Variants in TCF12 observed in about 807,000 individuals in gnomAD.
TCF12 encodes the protein DNA-binding protein HTF4.
A neutral mutation model predicts 86.0 loss-of-function variants in TCF12; 45 were observed. The observed-to-expected ratio is 0.52, with a 90% confidence interval of 0.41 to 0.67. The LOEUF (loss-of-function observed/expected upper bound fraction) is 0.67. Ranked by LOEUF, TCF12 falls within the 30% of genes least tolerant of loss-of-function variation. TCF12 has a pLI of 0.00. For synonymous variants in TCF12, 330 were observed against 299.6 expected, an observed-to-expected ratio of 1.10 and a Z score of -1.05; for missense variants, 881 against 859.9, an observed-to-expected ratio of 1.02 and a Z score of -0.31.
chr15:57,126,870 A>G (rs541489287), intron 5 of TCF12, among the ~76,000 whole-genome samples: 35 of 152,332 alleles, frequency 2.3e-4, no homozygotes, highest in African/African-American at 7.5e-4. Flanking sequence ...TATCTGTCCA[A>G]TGTGGCTATT....
At chr15:56,955,737 G>A (rs1309587081) in intron 3 of TCF12, among the ~76,000 whole-genome samples, 1 of 152,130 alleles carries the variant, frequency 6.6e-6, no homozygotes, top group Admixed American at 6.6e-5. Context: ...TGTTTTCTAA[G>A]TATCAAGTGA....
intron 5 of TCF12, among the ~76,000 whole-genome samples, chr15:57,147,942 G>A (rs1231951782): frequency 6.7e-6 from 1 of 149,318 alleles, no homozygotes; most frequent in Non-Finnish European, 1.5e-5. Flanking sequence ...GTGCAGTGGT[G>A]TGGTCATAGC....
At chr15:57,046,045 A>G (rs1313157723) in intron 3 of TCF12, among the ~76,000 whole-genome samples, 1 of 152,236 alleles carries the variant, frequency 6.6e-6, no homozygotes, top group Non-Finnish European at 1.5e-5. Context: ...AACAATAGGA[A>G]TGAAAAACCT....
At chr15:57,201,329 A>C (rs1052858627) in intron 8 of TCF12, among the ~76,000 whole-genome samples, 29 of 152,322 alleles carry the variant, frequency 1.9e-4, no homozygotes, top group Non-Finnish European at 3.1e-4. Flanking sequence ...CTCTGGTGAC[A>C]TAGGGTAGGT....
In TCF12 at chr15:57,260,159, T is replaced by C. The variant is rs375110393; in HGVS notation, c.1468-1935T>C. Among the ~76,000 whole-genome samples the C allele has an allele frequency of 5.9e-5, 9 of 152,220 alleles. No homozygotes were observed. In the East Asian group the frequency reaches 1.7e-3, roughly 29 times the overall value. On this transcript the variant is annotated intron_variant, in intron 16 of 20. Coordinates refer to ENST00000333725, the MANE Select transcript of TCF12 (RefSeq NM_207037.2). ...ATACTTAGTTTGTATTGTTCTATAG[T>C]GTAAAAATATTTCCTGGTGTTTCTG...
In TCF12 at chr15:57,075,794, CTTTCTTTCTT is replaced by C. The variant is rs1364929445; in HGVS notation, c.222+11973_222+11982del. ...TCTTTCTTTCTTTCTTTCTTTCTTT[CTTTCTTTCTT>C]TCTCTCTCTCTCTCTCTCTCTCTCT... On this transcript the variant is annotated intron_variant, in intron 4 of 20. Coordinates refer to ENST00000333725, the MANE Select transcript of TCF12 (RefSeq NM_207037.2). 6.3e-3 allele frequency among the ~76,000 whole-genome samples: 421 copies of C among 67,182 alleles called. 3 individuals carry two copies. The highest frequency in any genetic ancestry group is 0.011 in the Admixed American group (73 of 6,684). The allele number at this position is 67,182 out of a possible 152,430, so 44.1% of individuals were successfully genotyped here.
chr15:57,076,676 T>C (rs1051889329), intron 4 of TCF12, among the ~76,000 whole-genome samples: 1 of 151,812 alleles, frequency 6.6e-6, no homozygotes, highest in African/African-American at 2.4e-5. Flanking sequence ...TAGAATAAAC[T>C]TTTTCCCACA....
At chr15:57,120,768 A>G (rs1270583237) in intron 5 of TCF12, among the ~76,000 whole-genome samples, 4 of 152,196 alleles carry the variant, frequency 2.6e-5, no homozygotes, top group African/African-American at 9.7e-5. Context: ...GAGGAATCTC[A>G]GTGTGTAGGA....
At chr15:56,973,727 C>G (rs142861185) in intron 3 of TCF12, among the ~76,000 whole-genome samples, 69 of 152,236 alleles carry the variant, frequency 4.5e-4, no homozygotes, top group African/African-American at 1.6e-3. Flanking sequence ...TCACAAGATA[C>G]TATTTCCAGA....
rs35563193 is a variant in TCF12 at position 57,021,744 on chromosome 15, A to AT, written c.149-41994dup. Reference sequence around the variant, plus strand: ...ACTGTATGGGTCCATTTATACTTAGATTTTTTTTTTTTCAACCAAGCGTGA... The same window carrying AT: ...ACTGTATGGGTCCATTTATACTTAGATTTTTTTTTTTTTCAACCAAGCGTGA... On this transcript the variant is annotated intron_variant, in intron 3 of 20. Coordinates refer to ENST00000333725, the MANE Select transcript of TCF12 (RefSeq NM_207037.2). Among the ~76,000 whole-genome samples, 1,417 of 149,574 alleles carry AT rather than the reference A, an allele frequency of 9.5e-3. 15 individuals carry two copies. The highest frequency in any genetic ancestry group is 0.018 in the South Asian group (86 of 4,714).
At chr15:57,035,409 A>G (rs1036054372) in intron 3 of TCF12, among the ~76,000 whole-genome samples, 1 of 152,148 alleles carries the variant, frequency 6.6e-6, no homozygotes, top group Non-Finnish European at 1.5e-5. Flanking sequence ...AACTACAGGT[A>G]TGCACCACCA....
At position 57,282,710 on chromosome 15, in the gene TCF12, C is replaced by T. The variant is rs534492680; in HGVS notation, c.*11+112C>T. 5.5e-6 allele frequency: 7 copies of T among 1,263,634 alleles called. No homozygotes were observed. In the East Asian group the frequency reaches 1.6e-4, roughly 30 times the overall value. 78.3% of individuals were successfully genotyped at this position (1,263,634 alleles called of 1,614,324 possible). A position where few individuals can be genotyped will look rare whatever the true frequency, so the allele number is the denominator to read the frequency against. ...AGTGAGCAGTGGCCATTGTAAAGGT[C>T]ACATGTAATTTGAAATATAACAGTT... On this transcript the variant is annotated intron_variant, in intron 20 of 20. Transcript: ENST00000333725.
In TCF12 at chr15:57,021,242, G is replaced by C. The variant is rs140088342; in HGVS notation, c.149-42508G>C. ...AGAGAGGACATGGGACCAAGAACTG[G>C]GGCAGAACGTTGATCGTGTTTCTAG... On this transcript the variant is annotated intron_variant, in intron 3 of 20. Transcript: ENST00000333725. Among the ~76,000 whole-genome samples, 525 of 152,286 alleles carry C rather than the reference G, an allele frequency of 3.4e-3. 3 individuals carry two copies. The highest frequency in any genetic ancestry group is 5.6e-3 in the Non-Finnish European group (383 of 68,026).
intron 4 of TCF12, among the ~76,000 whole-genome samples, chr15:57,068,834 T>C (rs1567355866): frequency 6.6e-6 from 1 of 152,204 alleles, no homozygotes; most frequent in African/African-American, 2.4e-5. Flanking sequence ...TCTCTAAAAT[T>C]ATGATAATTT....
chr15:56,947,515 T>G (rs1018367504), intron 3 of TCF12, among the ~76,000 whole-genome samples: 1 of 152,212 alleles, frequency 6.6e-6, no homozygotes, highest in African/African-American at 2.4e-5. Context: ...AATCTACAAA[T>G]TGTTTCCAGA....
At chr15:57,207,312 T>G (rs1243032311) in intron 8 of TCF12, among the ~76,000 whole-genome samples, 1 of 152,170 alleles carries the variant, frequency 6.6e-6, no homozygotes, top group East Asian at 1.9e-4. Flanking sequence ...CCTATGAATC[T>G]AAGTAAATTT....
chr15:57,163,445 A>G (rs2054636027), intron 5 of TCF12, among the ~76,000 whole-genome samples: 1 of 152,134 alleles, frequency 6.6e-6, no homozygotes, highest in Non-Finnish European at 1.5e-5. Flanking sequence ...CATACCTGTA[A>G]CGTCAACACT....
At chr15:57,114,521 C>T (rs1179436808) in intron 5 of TCF12, among the ~76,000 whole-genome samples, 4 of 152,096 alleles carry the variant, frequency 2.6e-5, no homozygotes, top group Non-Finnish European at 5.9e-5. Context: ...TGGTCTTGAG[C>T]TCCTGGAATT....
intron 9 of TCF12, 91 bp downstream of exon 9, chr15:57,231,348 T>C: frequency 1.0e-6 from 1 of 979,040 alleles, no homozygotes; most frequent in African/African-American, 1.9e-5. Context: ...ATACCTATAT[T>C]CAGGCCTTAT....
Sources: gnomAD v4.1 joint callset for allele counts (sites outside exome capture counted in the v4.1 genomes callset) on GRCh38, gnomAD v4.1.1 for gene constraint, MANE v1.5 for transcripts, NCBI Gene and HGNC (gene_info 2026-07-23, HGNC 2026-07-21) for gene names.